Variants in MARK2 observed in about 807,000 individuals in gnomAD.
MARK2 encodes microtubule affinity regulating kinase 2, also known as serine/threonine-protein kinase MARK2.
A neutral mutation model predicts 89.8 loss-of-function variants in MARK2; 16 were observed. That is an observed-to-expected ratio of 0.18 (90% CI 0.12 to 0.27). The LOEUF (loss-of-function observed/expected upper bound fraction) is 0.27, where lower values mean the gene tolerates loss of function less well. Among genes scored for constraint, MARK2 ranks in the 10% least tolerant of loss-of-function variants. MARK2 has a pLI of 1.00. For missense variants in MARK2, 621 were observed against 1,049.9 expected (o/e 0.59, Z 5.65); for synonymous variants, 382 against 399.5 (o/e 0.96, Z 0.52).
At chr11:63,908,740 C>A in intron 18 of MARK2, 137 bp from the exon 19 acceptor site, 1 of 833,110 alleles carries the variant, frequency 1.2e-6, no homozygotes, top group South Asian at 2.7e-5. Context: ...TCCGCCCCCG[C>A]AGGCCAGGGG....
chr11:63,864,446 G>A (rs558037541), intron 1 of MARK2, among the ~76,000 whole-genome samples: 38 of 151,500 alleles, frequency 2.5e-4, no homozygotes, highest in Middle Eastern at 6.8e-3. Flanking sequence ...TAGATACGGG[G>A]TTTCTCTGTA....
At chr11:63,892,752 G>T (rs1215936580) in intron 1 of MARK2, among the ~76,000 whole-genome samples, 1 of 135,696 alleles carries the variant, frequency 7.4e-6, no homozygotes, top group Non-Finnish European at 1.6e-5. Context: ...TTTGAGACAG[G>T]GTCTCGCTCT....
chr11:63,872,555 CTTTCCCAGAGGCCATAAACCTGCCT>C (rs1044923664), intron 1 of MARK2, among the ~76,000 whole-genome samples: 2 of 151,268 alleles, frequency 1.3e-5, no homozygotes, highest in African/African-American at 4.9e-5. Context: ...GTCTTTACTG[CTTTCCCAGAGGCCATAAACCTGCCT>C]TTTCCCAGAG....
At chr11:63,840,763 G>A (rs1174786608) in intron 1 of MARK2, among the ~76,000 whole-genome samples, 1 of 152,008 alleles carries the variant, frequency 6.6e-6, no homozygotes, top group Non-Finnish European at 1.5e-5. Flanking sequence ...GTTCCTATTG[G>A]CTAAGTCTCT....
At chr11:63,895,441 C>T in intron 2 of MARK2, 103 bp downstream of exon 2, 1 of 1,450,038 alleles carries the variant, frequency 6.9e-7, no homozygotes, top group Non-Finnish European at 9.7e-7. Context: ...GTTTATCCGG[C>T]AGAAATGAGA....
At chr11:63,899,240 T>C in intron 7 of MARK2, 132 bp downstream of exon 7, 1 of 663,452 alleles carries the variant, frequency 1.5e-6, no homozygotes. Flanking sequence ...TTTTTTTCTT[T>C]CTTTCTTTCT....
In MARK2 at chr11:63,900,531, A is replaced by C; in HGVS notation, c.769-28A>C. ...CTTCCTTTGGCCTTGGGGTGATTTC[A>C]ATTTTCTAACCCTGGATCCTCCTGC... On this transcript the variant is annotated intron_variant, in intron 8 of 18. Transcript: ENST00000402010. The surrounding 1 kb of genome is among the most constrained non-coding windows in gnomAD (Gnocchi z 4.7). 6.2e-7 allele frequency: 1 copy of C among 1,610,988 alleles called. No individual in the cohort carries two copies. Among genetic ancestry groups the C allele is most frequent in the East Asian group, 2.2e-5 (1 of 44,840 alleles).
At chr11:63,863,380 C>T (rs1937924166) in intron 1 of MARK2, among the ~76,000 whole-genome samples, 2 of 152,034 alleles carry the variant, frequency 1.3e-5, no homozygotes, top group Non-Finnish European at 2.9e-5. Context: ...CTAACTTCGG[C>T]AAGGGTGCCT....
chr11:63,898,565 C>T (rs371783139), intron 4 of MARK2, 43 bp from the exon 5 acceptor site: 35 of 1,456,470 alleles, frequency 2.4e-5, no homozygotes, highest in Non-Finnish European at 2.7e-5. Flanking sequence ...AGTATGTGGC[C>T]CCTGTTGCTT....
chr11:63,909,213 A>G lies in MARK2; in HGVS notation c.2343A>G (p.Lys781=). 1 of 1,592,658 alleles carries G rather than the reference A, an allele frequency of 6.3e-7. No individual in the cohort carries two copies. Among genetic ancestry groups the G allele is most frequent in the South Asian group, 1.1e-5 (1 of 90,592 alleles). Residue 781 remains lysine, a synonymous_variant, in exon 19 of 19, where the codon AAA becomes AAG. Transcript: ENST00000402010. The part of the protein sequence containing the change: ...TSMAFKNIAS[K]IANELKL ...TGGCCTTCAAAAACATTGCCTCCAAAATAGCCAACGAGCTGAAGCTTTAAC... is the reference window on the plus strand; with the variant it reads ...TGGCCTTCAAAAACATTGCCTCCAAGATAGCCAACGAGCTGAAGCTTTAAC...
chr11:63,890,707 G>T (rs1315224622), intron 1 of MARK2, among the ~76,000 whole-genome samples: 1 of 152,244 alleles, frequency 6.6e-6, no homozygotes, highest in African/African-American at 2.4e-5. Context: ...GATTTGGAAG[G>T]TTGTTTTGAC....
intron 1 of MARK2, among the ~76,000 whole-genome samples, chr11:63,848,577 G>A (rs2016398237): frequency 1.3e-5 from 2 of 149,790 alleles, no homozygotes; most frequent in African/African-American, 2.5e-5. Flanking sequence ...TTGAGACAGG[G>A]TCTCGCTCTG....
At chr11:63,894,358 C>T (rs1053579300) in intron 1 of MARK2, among the ~76,000 whole-genome samples, 6 of 152,178 alleles carry the variant, frequency 3.9e-5, no homozygotes, top group African/African-American at 1.4e-4. Flanking sequence ...CGACTTCGGC[C>T]ATGCAGTCCT....
chr11:63,866,371 G>T (rs1353606238), intron 1 of MARK2, among the ~76,000 whole-genome samples: 1 of 140,906 alleles, frequency 7.1e-6, no homozygotes, highest in African/African-American at 2.6e-5. Flanking sequence ...AAAAAAAAAA[G>T]TAGTGTTTAA....
intron 18 of MARK2, 125 bp from the exon 19 acceptor site, chr11:63,908,752 C>A: frequency 1.0e-6 from 1 of 967,414 alleles, no homozygotes; most frequent in Non-Finnish European, 1.4e-6. Flanking sequence ...GGCCAGGGGC[C>A]ACGCCTGGCT....
chr11:63,863,263 T>C (rs1290262668), intron 1 of MARK2, among the ~76,000 whole-genome samples: 4 of 152,322 alleles, frequency 2.6e-5, no homozygotes, highest in Non-Finnish European at 4.4e-5. Context: ...ACTAGGCATC[T>C]AGATATTCTA....
rs139396815 is a variant in MARK2, at chr11:63,861,420, G to A, written c.54+21860G>A. Among the ~76,000 whole-genome samples the A allele has an allele frequency of 5.3e-3, 807 of 152,214 alleles. 3 individuals carry two copies. Among genetic ancestry groups the A allele is most frequent in the Non-Finnish European group, 8.5e-3 (576 of 68,002 alleles). ...ACTGCACTCCTGCCTGGGCGACAGA[G>A]CGAGACTCCGTCTCAGAAAAAAAAA... On this transcript the variant is annotated intron_variant, in intron 1 of 18. Coordinates refer to ENST00000402010, the MANE Select transcript of MARK2 (RefSeq NM_001039469.3).
At chr11:63,893,529 G>A (rs1479881854) in intron 1 of MARK2, among the ~76,000 whole-genome samples, 1 of 151,682 alleles carries the variant, frequency 6.6e-6, no homozygotes. Flanking sequence ...CAGGTTTTTT[G>A]TGGATTTCTG....
At chr11:63,854,256 T>C (rs2016727565) in intron 1 of MARK2, among the ~76,000 whole-genome samples, 1 of 136,718 alleles carries the variant, frequency 7.3e-6, no homozygotes, top group Non-Finnish European at 1.6e-5. Context: ...CTGGAGTGCA[T>C]TGGTGCAACC....
Sources: gnomAD v4.1 joint callset for allele counts (sites outside exome capture counted in the v4.1 genomes callset) on GRCh38, gnomAD v4.1.1 for gene constraint, Gnocchi (gnomAD v3.1) non-coding constraint, MANE v1.5 for transcripts, NCBI Gene and HGNC (gene_info 2026-07-23, HGNC 2026-07-21) for gene names.